SMYD4: variants seen among roughly 807,000 people sequenced by gnomAD.
SMYD4 encodes protein-lysine N-methyltransferase SMYD4.
In SMYD4, 68 loss-of-function variants were observed where a neutral mutation model predicts 72.8. The observed-to-expected ratio is 0.93, with a 90% CI of 0.77 to 1.14. The LOEUF (loss-of-function observed/expected upper bound fraction) is 1.14. Ranked by LOEUF, SMYD4 falls within the 50% of genes most tolerant of loss-of-function variation. The pLI, the probability that SMYD4 is intolerant of heterozygous loss-of-function variation, is 0.00. For synonymous variants in SMYD4, 407 were observed against 388.6 expected, an observed-to-expected ratio of 1.05 and a Z score of -0.56; for missense variants, 984 against 1,003.7, an observed-to-expected ratio of 0.98 and a Z score of 0.27.
intron 6 of SMYD4, 125 bp from the exon 7 acceptor site, chr17:1,787,098 T>C (rs577850658): frequency 1.6e-6 from 2 of 1,249,678 alleles, no homozygotes; most frequent in South Asian, 1.5e-5. Context: ...TTTACCCAAA[T>C]ATTTGTGGAA....
chr17:1,807,421 C>CA (rs1910096620), intron 3 of SMYD4, among the ~76,000 whole-genome samples: 1 of 151,076 alleles, frequency 6.6e-6, no homozygotes, highest in Admixed American at 6.6e-5. Flanking sequence ...GCGTACCGCC[C>CA]CCCCCGGCCC....
At position 1,785,256 on chromosome 17, in the gene SMYD4, T is replaced by TA. The variant is rs1908601994; in HGVS notation, c.1885-796dup. On this transcript the variant is annotated intron_variant, in intron 7 of 10. Transcript: ENST00000305513. The stretch of plus-strand genomic sequence containing the variant: ...GGCTAACACGGTGAAACCCCGTCTC[T>TA]ACTAAAAATACAAAAAATTAGCCGG... Among the ~76,000 whole-genome samples, 5 of 145,692 alleles carry TA rather than the reference T, an allele frequency of 3.4e-5. No homozygotes were observed. The South Asian group carries it at 1.1e-3, about 32-fold the overall frequency.
chr17:1,811,787 C>T (rs193081078), intron 3 of SMYD4, among the ~76,000 whole-genome samples, 184 bp downstream of exon 3: 268 of 152,234 alleles, frequency 1.8e-3, no homozygotes, highest in Middle Eastern at 6.8e-3. Context: ...ATTAGCTGGG[C>T]GTGGTGCCAC....
chr17:1,816,147 C>T (rs1017524767), intron 2 of SMYD4, among the ~76,000 whole-genome samples: 1 of 152,170 alleles, frequency 6.6e-6, no homozygotes, highest in Admixed American at 6.6e-5. Context: ...TCCTCCCTCT[C>T]CACATCCCCT....
At chr17:1,797,866 G>A (rs536048857) in intron 5 of SMYD4, among the ~76,000 whole-genome samples, 3 of 152,168 alleles carry the variant, frequency 2.0e-5, no homozygotes, top group East Asian at 3.9e-4. Context: ...GCTGGGCGTG[G>A]GGGTGCACGC....
chr17:1,783,279 C>T, intron 9 of SMYD4, 81 bp downstream of exon 9: 4 of 1,610,360 alleles, frequency 2.5e-6, no homozygotes, highest in Non-Finnish European at 3.4e-6. Flanking sequence ...CGGGGGGTAA[C>T]CAGGCAGACA....
At chr17:1,799,793 C>T in intron 5 of SMYD4, 64 bp downstream of exon 5, 2 of 1,437,350 alleles carry the variant, frequency 1.4e-6, no homozygotes, top group Non-Finnish European at 1.8e-6. Flanking sequence ...GGAATTGTTT[C>T]TTCTCAAACA....
At chr17:1,822,939 T>C (rs967775727) in intron 2 of SMYD4, among the ~76,000 whole-genome samples, 5 of 152,152 alleles carry the variant, frequency 3.3e-5, no homozygotes, top group Admixed American at 1.3e-4. Flanking sequence ...CTTAAGGACA[T>C]AGAAGAAGCC....
intron 5 of SMYD4, among the ~76,000 whole-genome samples, chr17:1,798,454 G>A (rs76224480): frequency 1.6e-3 from 236 of 152,056 alleles, no homozygotes; most frequent in Middle Eastern, 6.8e-3. Context: ...ATTTGAGACA[G>A]TTTTCCTTCA....
At chr17:1,783,668 G>C in intron 8 of SMYD4, 192 bp from the exon 9 acceptor site, 1 of 1,038,598 alleles carries the variant, frequency 9.6e-7, no homozygotes, top group Non-Finnish European at 1.4e-6. Flanking sequence ...TGTCAGTGGA[G>C]AAAGGCGCTA....
chr17:1,811,916 G>C, intron 3 of SMYD4, 55 bp downstream of exon 3: 1 of 1,589,318 alleles, frequency 6.3e-7, no homozygotes, highest in South Asian at 1.1e-5. Context: ...AACACAGCAA[G>C]ATTCTGTCTC....
At chr17:1,783,617 A>G in intron 8 of SMYD4, 141 bp from the exon 9 acceptor site, 2 of 1,386,738 alleles carry the variant, frequency 1.4e-6, no homozygotes, top group Middle Eastern at 2.5e-4. Context: ...CCAACGCACA[A>G]TGTCTGTTCC....
At position 1,780,261 on chromosome 17, in the gene SMYD4, A is replaced by G. The variant is rs1908294937; in HGVS notation, c.*1025T>C. 1 of 152,254 alleles carries G rather than the reference A, an allele frequency of 6.6e-6. No individual in the cohort carries two copies. The highest frequency in any genetic ancestry group is 1.5e-5 in the Non-Finnish European group (1 of 68,084). The allele number at this position is 152,254 out of a possible 1,614,324, so 9.4% of individuals were successfully genotyped here. A position where few individuals can be genotyped will look rare whatever the true frequency, so the allele number is the denominator to read the frequency against. ...GAGACAGGGTCTTACTCTGTCACCC[A>G]GGCTGGAGTGCAGTAGTGCGATCTT... is the stretch of plus-strand genomic sequence containing the variant. On this transcript the variant is annotated 3_prime_UTR_variant, in exon 11 of 11. Coordinates refer to ENST00000305513, the MANE Select transcript of SMYD4 (RefSeq NM_052928.3).
intron 5 of SMYD4, 30 bp from the exon 6 acceptor site, chr17:1,787,634 G>A: frequency 6.5e-7 from 1 of 1,541,200 alleles, no homozygotes. Flanking sequence ...GAAGGAAAAA[G>A]GTGTCAGCAC....
chr17:1,826,619 T>C (rs1751746822), intron 2 of SMYD4, among the ~76,000 whole-genome samples: 1 of 152,092 alleles, frequency 6.6e-6, no homozygotes, highest in African/African-American at 2.4e-5. Context: ...CATTATTTCA[T>C]TCAATTAATA....
In SMYD4 at chr17:1,794,081, G is replaced by GTATATATA. The variant is rs1226883815; in HGVS notation, c.1537+5768_1537+5775dup. 4.5e-3 allele frequency among the ~76,000 whole-genome samples: 77 copies of GTATATATA among 17,066 alleles called. 3 individuals are homozygous for GTATATATA. The highest frequency in any genetic ancestry group is 8.5e-3 in the South Asian group (5 of 586). The allele number at this position is 17,066 out of a possible 152,430, so 11.2% of individuals were successfully genotyped here. A position where few individuals can be genotyped will look rare whatever the true frequency, so the allele number is the denominator to read the frequency against. ...TGTATATATATGTGTATATATATGT[G>GTATATATA]TATATATATATATATATATATATAT... On this transcript the variant is annotated intron_variant, in intron 5 of 10. Transcript: ENST00000305513.
Position 1,786,895 on chromosome 17 carries a change from G to C in SMYD4, c.1799C>G (p.Pro600Arg), listed in dbSNP as rs150963905. 1.3e-4 allele frequency: 217 copies of C among 1,614,092 alleles called. No individual in the cohort carries two copies. Among genetic ancestry groups the C allele is most frequent in the Non-Finnish European group, 1.8e-4 (208 of 1,180,044 alleles). ...RSQYFFDCAC[P>R]ACQTEAHRMA... Reference sequence around the variant, plus strand: ...CCTGTGTGCCTCAGTTTGACAAGCTGGACAGGCGCAGTCAAAGAAATACTG... The same window carrying C: ...CCTGTGTGCCTCAGTTTGACAAGCTCGACAGGCGCAGTCAAAGAAATACTG... Residue 600 changes from proline (P) to arginine (R), a missense_variant, in exon 7 of 11, where the codon CCA becomes CGA. Pro to Arg is a moderately radical substitution (Grantham distance 103, BLOSUM62 -2). Transcript: ENST00000305513.
chr17:1,820,924 T>C (rs1056489693), intron 2 of SMYD4, among the ~76,000 whole-genome samples: 38 of 152,160 alleles, frequency 2.5e-4, no homozygotes, highest in African/African-American at 7.5e-4. Flanking sequence ...TCTTTTTTGG[T>C]TACTTTAGAT....
intron 8 of SMYD4, 121 bp downstream of exon 8, chr17:1,784,205 C>A: frequency 6.8e-7 from 1 of 1,470,214 alleles, no homozygotes; most frequent in Non-Finnish European, 9.2e-7. Context: ...CATCTTGTGG[C>A]TGGCATGGGG....
Sources: allele counts gnomAD v4.1 joint callset (sites outside exome capture counted in the v4.1 genomes callset), GRCh38; gene constraint gnomAD v4.1.1; transcripts MANE v1.5; gene names NCBI Gene and HGNC (gene_info 2026-07-23, HGNC 2026-07-21).